Variants in GBP7 observed in about 807,000 individuals in gnomAD.
The protein encoded by GBP7 is guanylate binding protein 7.
GBP7 carries 43 observed loss-of-function variants against 61.3 expected under a neutral mutation model. The ratio of observed to expected loss-of-function variants is 0.70; its 90% confidence interval spans 0.55 to 0.91. The LOEUF (loss-of-function observed/expected upper bound fraction) is 0.91, where lower values mean the gene tolerates loss of function less well. GBP7 is among the 40% of genes least tolerant of loss of function. The probability of loss-of-function intolerance (pLI) is 0.00; values close to 1 mark genes in which losing one functional copy is unlikely to be tolerated. For missense variants in GBP7, 717 were observed against 740.5 expected, an observed-to-expected ratio of 0.97 and a Z score of 0.37; for synonymous variants, 267 against 271.0, an observed-to-expected ratio of 0.99 and a Z score of 0.14.
At chr1:89,135,331 C>T (rs377663195) in intron 9 of GBP7, among the ~76,000 whole-genome samples, 7 of 152,154 alleles carry the variant, frequency 4.6e-5, no homozygotes, top group African/African-American at 9.6e-5. Flanking sequence ...CATTCAAATT[C>T]GGGAAATCAG....
intron 3 of GBP7, among the ~76,000 whole-genome samples, chr1:89,152,984 A>G (rs991154191): frequency 3.3e-5 from 5 of 152,194 alleles, no homozygotes; most frequent in Non-Finnish European, 4.4e-5. Flanking sequence ...AAGCACCTAA[A>G]CATCTCTATT....
In GBP7 at chr1:89,147,742, T is replaced by C. The variant is rs142546553; in HGVS notation, c.1190A>G (p.Gln397Arg). The change falls in exon 8 of 11, where the codon CAG (glutamine) becomes CGG (arginine). Residue 397 changes from glutamine to arginine, a missense_variant. By Grantham distance (43) the Gln-to-Arg change is conservative. Around this residue, in one of 3 missense-constraint regions of GBP7, gnomAD observed 312 missense variants for 310.1 expected, o/e 1.01. Coordinates refer to ENST00000294671, the MANE Select transcript of GBP7 (RefSeq NM_207398.3). ...ATATTTGGCAGATGCCTCTTCATTC[T>C]GCAGCACAAAGTCTTCCTTCTTTTT... ...MEKKKEDFVLQNEEASAKYCQ... is the reference protein window; with the variant it reads ...MEKKKEDFVLRNEEASAKYCQ... 7.4e-6 allele frequency: 12 copies of C among 1,614,078 alleles called. No individual in the cohort carries two copies. In the African/African-American group the frequency reaches 1.6e-4, roughly 22 times the overall value.
chr1:89,175,739 C>G (rs1384594436), intron 1 of GBP7, among the ~76,000 whole-genome samples, 182 bp downstream of exon 1: 1 of 152,146 alleles, frequency 6.6e-6, no homozygotes, highest in African/African-American at 2.4e-5. Flanking sequence ...CTGCTGAAGC[C>G]TAATCTGACA....
intron 9 of GBP7, among the ~76,000 whole-genome samples, chr1:89,135,711 A>G (rs1213826542): frequency 6.6e-6 from 1 of 152,220 alleles, no homozygotes; most frequent in Non-Finnish European, 1.5e-5. Flanking sequence ...CATGAAAATG[A>G]AAGACCATTA....
chr1:89,147,495 AT>A (rs1171719540), intron 8 of GBP7, 71 bp downstream of exon 8: 6 of 1,199,870 alleles, frequency 5.0e-6, no homozygotes, highest in Non-Finnish European at 7.4e-6. Flanking sequence ...GTGTTCTTAG[AT>A]TTTCAGAAGA....
intron 10 of GBP7, among the ~76,000 whole-genome samples, chr1:89,132,796 A>G (rs929171940): frequency 1.1e-4 from 16 of 152,226 alleles, no homozygotes; most frequent in South Asian, 2.1e-4. Flanking sequence ...GGGACAAGGA[A>G]TATGTTTTAC....
chr1:89,162,218 C>G lies in GBP7; in HGVS notation c.318+2513G>C, dbSNP rs1647294150. 3.3e-5 allele frequency among the ~76,000 whole-genome samples: 5 copies of G among 152,186 alleles called. No individual in the cohort carries two copies. The South Asian group carries it at 1.0e-3, about 32-fold the overall frequency. On this transcript the variant is annotated intron_variant, in intron 3 of 10. Coordinates refer to ENST00000294671, the MANE Select transcript of GBP7 (RefSeq NM_207398.3). ...ATGTCGAGTAGCATCCAGCTTTGTT[C>G]TTTTTGCTTAGAATTGCGTTGGCTA...
chr1:89,155,687 C>G (rs1456908500), intron 3 of GBP7, among the ~76,000 whole-genome samples: 1 of 152,120 alleles, frequency 6.6e-6, no homozygotes, highest in Non-Finnish European at 1.5e-5. Context: ...AACAAAGCCT[C>G]CAAGAAATAT....
intron 3 of GBP7, 93 bp downstream of exon 3, chr1:89,164,638 A>C: frequency 8.2e-7 from 1 of 1,220,668 alleles, no homozygotes; most frequent in Non-Finnish European, 1.2e-6. Context: ...TTTGTGATTC[A>C]GGAATAGGCC....
chr1:89,162,645 C>T (rs559902047), intron 3 of GBP7, among the ~76,000 whole-genome samples: 62 of 152,306 alleles, frequency 4.1e-4, no homozygotes, highest in Admixed American at 1.7e-3. Context: ...TGTTTATCAG[C>T]TTAAGAAGCT....
rs781706280 is a variant in GBP7, at chr1:89,164,720, C to T, written c.318+11G>A. On this transcript the variant is annotated intron_variant, in intron 3 of 10. Coordinates refer to ENST00000294671, the MANE Select transcript of GBP7 (RefSeq NM_207398.3). ...AAAGGTAAAGAAGATTTCTCTATGT[C>T]TCTTTCTTACCTTTTCCATATCACC... 4.3e-6 allele frequency: 7 copies of T among 1,612,922 alleles called. No homozygotes were observed. The highest frequency in any genetic ancestry group is 5.9e-6 in the Non-Finnish European group (7 of 1,179,250).
intron 7 of GBP7, 113 bp from the exon 8 acceptor site, chr1:89,147,892 G>A: frequency 1.9e-6 from 2 of 1,045,942 alleles, no homozygotes; most frequent in Non-Finnish European, 2.9e-6. Context: ...CTGAGTTACG[G>A]TGTAGACTAA....
At chr1:89,165,267 C>T (rs1341359856) in intron 2 of GBP7, among the ~76,000 whole-genome samples, 2 of 151,904 alleles carry the variant, frequency 1.3e-5, no homozygotes, top group Non-Finnish European at 2.9e-5. Flanking sequence ...TTTGGGAGGC[C>T]GAGGCAGGTG....
intron 3 of GBP7, among the ~76,000 whole-genome samples, chr1:89,158,656 A>T (rs1393461021): frequency 6.6e-6 from 1 of 152,198 alleles, no homozygotes; most frequent in Non-Finnish European, 1.5e-5. Context: ...CTTACAAGGG[A>T]TGTGAAGGAC....
At position 89,150,373 on chromosome 1, in the gene GBP7, T is replaced by C. The variant is rs774318490; in HGVS notation, c.828A>G (p.Ala276=). ...ENFCSYIFTH[A]KTKTLREGIL... is the part of the protein sequence containing the mutation. ...TTCCCTCTCTCAGGGTCTTGGTCTT[T>C]GCATGGGTGAAGATATAAGAACAGA... is the stretch of plus-strand genomic sequence containing the variant. Residue 276 remains alanine, a synonymous_variant, in exon 6 of 11, where the codon GCA becomes GCG. Transcript: ENST00000294671. 64 of 1,613,926 alleles carry C rather than the reference T, an allele frequency of 4.0e-5. No individual in the cohort carries two copies. In the Admixed American group the frequency reaches 1.1e-3, roughly 26 times the overall value.
Position 89,133,283 on chromosome 1 carries a change from C to T in GBP7, c.1637G>A (p.Arg546Lys). Reference sequence around the variant, plus strand: ...CTTCATCTTGTGACTCAACATCTTTCTCAGTTCTCTCATATAGTTTTCCCT... The same window carrying T: ...CTTCATCTTGTGACTCAACATCTTTTTCAGTTCTCTCATATAGTTTTCCCT... ...RERENYMREL[R>K]KMLSHKMKVL... Residue 546 changes from arginine to lysine, a missense_variant, in exon 10 of 11, where the codon AGA becomes AAA. Coordinates refer to ENST00000294671, the MANE Select transcript of GBP7 (RefSeq NM_207398.3). The T allele has an allele frequency of 3.3e-6, 5 of 1,497,768 alleles. No homozygotes were observed. Among genetic ancestry groups the T allele is most frequent in the Non-Finnish European group, 4.6e-6 (5 of 1,096,806 alleles). The allele number at this position is 1,497,768 out of a possible 1,614,324, so 92.8% of individuals were successfully genotyped here.
At chr1:89,156,544 G>A (rs1014799914) in intron 3 of GBP7, among the ~76,000 whole-genome samples, 11 of 151,362 alleles carry the variant, frequency 7.3e-5, no homozygotes, top group South Asian at 2.1e-4. Flanking sequence ...CAAAAAAAGC[G>A]GGGGTTGCAA....
intron 10 of GBP7, 134 bp downstream of exon 10, chr1:89,133,124 G>A (rs527856558): frequency 2.9e-6 from 2 of 685,046 alleles, no homozygotes; most frequent in African/African-American, 3.6e-5. Context: ...GAATTCATAT[G>A]TATTTGAAAT....
chr1:89,155,955 G>C (rs1682307538), intron 3 of GBP7, among the ~76,000 whole-genome samples: 1 of 152,168 alleles, frequency 6.6e-6, no homozygotes, highest in Non-Finnish European at 1.5e-5. Context: ...GGCAGCCAGA[G>C]AGAAAGGTCA....
Sources: gnomAD v4.1 joint callset for allele counts (sites outside exome capture counted in the v4.1 genomes callset) on GRCh38, gnomAD v4.1.1 for gene constraint, gnomAD v4.1.1 regional missense constraint, MANE v1.5 for transcripts, NCBI Gene and HGNC (gene_info 2026-07-23, HGNC 2026-07-21) for gene names.